The following YES1 variants were observed in gnomAD, a reference collection of about 807,000 sequenced individuals.
YES1 encodes the protein tyrosine-protein kinase Yes.
A neutral mutation model predicts 70.4 loss-of-function variants in YES1; 39 were observed. The ratio of observed to expected loss-of-function variants is 0.55; its 90% CI spans 0.43 to 0.72. The LOEUF is 0.72. Ranked by LOEUF, YES1 falls within the 30% of genes least tolerant of loss-of-function variation. The pLI, the probability that YES1 is intolerant of heterozygous loss-of-function variation, is 0.00. For missense variants in YES1, 495 were observed against 644.8 expected (o/e 0.77, Z 2.52); for synonymous variants, 198 against 218.6 (o/e 0.91, Z 0.83).
At chr18:724,788 CAAG>C (rs1263645072) in intron 11 of YES1, among the ~76,000 whole-genome samples, 156 bp from the exon 12 acceptor site, 2 of 152,140 alleles carry the variant, frequency 1.3e-5, no homozygotes, top group African/African-American at 2.4e-5. Flanking sequence ...ATGAGAATAT[CAAG>C]AAGAGCTTAG....
At chr18:738,908 C>T (rs2080184628) in intron 9 of YES1, 1 of 152,192 alleles carries the variant, frequency 6.6e-6, no homozygotes, top group African/African-American at 2.4e-5. Flanking sequence ...ACTCCAACCT[C>T]CGCCTCCCGG....
intron 1 of YES1, among the ~76,000 whole-genome samples, chr18:763,703 C>CAAAAA (rs71174286): frequency 6.3e-5 from 4 of 63,696 alleles, no homozygotes; most frequent in African/African-American, 1.9e-4. Context: ...ATCCTGTCTT[C>CAAAAA]AAAAAAAAAA....
chr18:745,593 G>T, intron 6 of YES1, 115 bp downstream of exon 6: 1 of 973,422 alleles, frequency 1.0e-6, no homozygotes, highest in Non-Finnish European at 1.5e-6. Flanking sequence ...CATTTATTGG[G>T]CATGTATTAT....
intron 8 of YES1, 86 bp from the exon 9 acceptor site, chr18:739,897 C>T (rs1375947804): frequency 5.1e-6 from 5 of 973,324 alleles, no homozygotes; most frequent in African/African-American, 1.8e-5. Context: ...CAAATCACAA[C>T]ACAAAACTTC....
intron 11 of YES1, among the ~76,000 whole-genome samples, chr18:728,322 C>CAAA (rs34970099): frequency 0.11 from 16,520 of 145,534 alleles, 987 homozygotes; most frequent in East Asian, 0.28. Flanking sequence ...GACCCTGTCT[C>CAAA]AAAAAAAAAA....
intron 1 of YES1, among the ~76,000 whole-genome samples, chr18:803,163 A>G (rs1906913181): frequency 1.3e-5 from 2 of 152,192 alleles, no homozygotes; most frequent in South Asian, 4.1e-4. Flanking sequence ...TGAACCTGGG[A>G]GGCAGAAGTT....
At chr18:747,835 G>T in intron 4 of YES1, 85 bp downstream of exon 4, 1 of 1,193,992 alleles carries the variant, frequency 8.4e-7, no homozygotes, top group Non-Finnish European at 1.2e-6. Context: ...ATAATTCTGT[G>T]TGTGTAAAGT....
At chr18:737,192 C>T (rs531408247) in intron 9 of YES1, 1 of 373,004 alleles carries the variant, frequency 2.7e-6, no homozygotes, top group Non-Finnish European at 4.8e-6. Flanking sequence ...GTGGCCCACA[C>T]CTATAATCCC....
intron 2 of YES1, among the ~76,000 whole-genome samples, chr18:752,388 A>C (rs1203189678): frequency 6.6e-6 from 1 of 152,100 alleles, no homozygotes; most frequent in Admixed American, 6.6e-5. Context: ...GGGATTACAG[A>C]CGTGAGCCAC....
chr18:775,057 C>T (rs1905311279), intron 1 of YES1: 1 of 152,312 alleles, frequency 6.6e-6, no homozygotes, highest in East Asian at 1.9e-4. Flanking sequence ...CCGTCACTTA[C>T]TAGCTGGGTG....
At chr18:763,738 C>T (rs927393462) in intron 1 of YES1, among the ~76,000 whole-genome samples, 1 of 141,012 alleles carries the variant, frequency 7.1e-6, no homozygotes, top group Non-Finnish European at 1.5e-5. Flanking sequence ...CGAGCTGGAA[C>T]AGTGTGGGGC....
At position 722,308 on chromosome 18, in the gene YES1, GA is replaced by G. The variant is rs1427775550; in HGVS notation, c.*2115del. 1 of 152,564 alleles carries G rather than the reference GA, an allele frequency of 6.6e-6. No individual in the cohort carries two copies. Among genetic ancestry groups the G allele is most frequent in the Non-Finnish European group, 1.5e-5 (1 of 68,008 alleles). 9.5% of individuals were successfully genotyped at this position (152,564 alleles called of 1,614,324 possible). The stretch of plus-strand genomic sequence containing the variant: ...CAATACTAAGCAGGTTACGTAAACA[GA>G]AAAAACAACCACAATTTTTAGTACC... On this transcript the variant is annotated 3_prime_UTR_variant, in exon 12 of 12. Transcript: ENST00000314574.
chr18:753,367 C>T (rs1166204849), intron 2 of YES1, among the ~76,000 whole-genome samples: 1 of 152,104 alleles, frequency 6.6e-6, no homozygotes, highest in Non-Finnish European at 1.5e-5. Flanking sequence ...CTGTGTTCTA[C>T]AATAGATCTC....
intron 1 of YES1, among the ~76,000 whole-genome samples, chr18:765,248 CTATATATATATATATATA>C (rs71174288): frequency 0.17 from 15,333 of 91,610 alleles, 1,431 homozygotes; most frequent in Admixed American, 0.29. Context: ...AGAGTTACAA[CTATATATATATATATATA>C]TATATATATA....
intron 2 of YES1, among the ~76,000 whole-genome samples, chr18:754,640 G>T (rs894065134): frequency 1.3e-5 from 2 of 151,278 alleles, no homozygotes; most frequent in African/African-American, 4.9e-5. Context: ...GAACCTGGGA[G>T]GCAGAAGGTT....
intron 2 of YES1, 98 bp from the exon 3 acceptor site, chr18:751,902 T>G: frequency 1.3e-6 from 1 of 772,310 alleles, no homozygotes; most frequent in Non-Finnish European, 2.2e-6. Flanking sequence ...AGCTTAAGGA[T>G]AGTTTTTTCT....
chr18:807,354 C>T (rs1907151775), intron 1 of YES1, among the ~76,000 whole-genome samples: 1 of 150,176 alleles, frequency 6.7e-6, no homozygotes, highest in Non-Finnish European at 1.5e-5. Context: ...AAAAAATTAG[C>T]CAGGCATGGT....
At position 748,022 on chromosome 18, in the gene YES1, C is replaced by T. The variant is rs1285808523; in HGVS notation, c.372-4G>A. The T allele has an allele frequency of 1.2e-6, 2 of 1,613,392 alleles. No individual in the cohort carries two copies. The highest frequency in any genetic ancestry group is 1.1e-5 in the South Asian group (1 of 91,068). ...TGCTTCCCACCAATCTCCTTCCCTG[C>T]AACACATAAAACAGCAATCACCGCA... On this transcript the variant is annotated splice_polypyrimidine_tract_variant and splice_region_variant and intron_variant, in intron 3 of 11. Coordinates refer to ENST00000314574, the MANE Select transcript of YES1 (RefSeq NM_005433.4).
At chr18:745,912 A>C (rs754157767) in intron 5 of YES1, 36 bp downstream of exon 5, 6 of 1,601,224 alleles carry the variant, frequency 3.7e-6, no homozygotes, top group Middle Eastern at 1.7e-4. Context: ...TGCCCCAAGA[A>C]ATTTTATACT....
Sources: gnomAD v4.1 joint callset for allele counts (sites outside exome capture counted in the v4.1 genomes callset) on GRCh38, gnomAD v4.1.1 for gene constraint, MANE v1.5 for transcripts, NCBI Gene and HGNC (gene_info 2026-07-23, HGNC 2026-07-21) for gene names.